SUGP1: variants seen among roughly 807,000 people sequenced by gnomAD.
The protein encoded by SUGP1 is SURP and G-patch domain-containing protein 1.
A neutral mutation model predicts 76.5 loss-of-function variants in SUGP1; 34 were observed. The ratio of observed to expected loss-of-function variants is 0.44; its 90% CI spans 0.34 to 0.59. SUGP1 has a LOEUF of 0.59. Among genes scored for constraint, SUGP1 ranks in the 20% least tolerant of loss-of-function variants. The pLI, the probability that SUGP1 is intolerant of heterozygous loss-of-function variation, is 0.01. For missense variants in SUGP1, 752 were observed against 851.7 expected (o/e 0.88, Z 1.46); for synonymous variants, 326 against 326.2 (o/e 1.00, Z 0.01).
intron 2 of SUGP1, among the ~76,000 whole-genome samples, chr19:19,311,876 A>T (rs2061355700): frequency 6.6e-6 from 1 of 151,962 alleles, no homozygotes; most frequent in Non-Finnish European, 1.5e-5. Flanking sequence ...TACTTGGGAG[A>T]CTGAGGTAGG....
At chr19:19,298,034 C>T (rs1335481582) in intron 7 of SUGP1, among the ~76,000 whole-genome samples, 3 of 152,194 alleles carry the variant, frequency 2.0e-5, no homozygotes, top group Admixed American at 6.5e-5. Context: ...TGGCCCAGCT[C>T]CACATGGCAG....
intron 4 of SUGP1, among the ~76,000 whole-genome samples, chr19:19,304,561 G>A (rs1451905542): frequency 6.6e-6 from 1 of 152,148 alleles, no homozygotes; most frequent in Non-Finnish European, 1.5e-5. Context: ...AGTGAACAGA[G>A]CTATAAAGAT....
chr19:19,310,101 G>A lies in SUGP1; in HGVS notation c.306C>T (p.Ser102=). The A allele has an allele frequency of 6.2e-7, 1 of 1,612,922 alleles. No homozygotes were observed. The highest frequency in any genetic ancestry group is 1.1e-5 in the South Asian group (1 of 91,048). Residue 102 remains serine (S), a synonymous_variant, in exon 3 of 14, where the codon AGC becomes AGT. Transcript: ENST00000247001. ...AAAGGGGAGGCCTACACTCACCTGT[G>A]CTGGTCTGTGCCTTCTGCAACTTCA... ...QFLKLQKAQT[S]TDAPTSAPSA... is the part of the protein sequence containing the mutation.
At chr19:19,276,791 C>T in intron 13 of SUGP1, 117 bp from the exon 14 acceptor site, 1 of 1,559,444 alleles carries the variant, frequency 6.4e-7, no homozygotes, top group African/African-American at 1.3e-5. Flanking sequence ...GCAGGGCAGG[C>T]TTGGGGGACG....
chr19:19,302,655 G>C (rs567304850), intron 6 of SUGP1, among the ~76,000 whole-genome samples: 1 of 151,932 alleles, frequency 6.6e-6, no homozygotes, highest in Non-Finnish European at 1.5e-5. Context: ...ATGTGACTGC[G>C]GGTCTGGGTA....
intron 2 of SUGP1, among the ~76,000 whole-genome samples, chr19:19,314,953 G>T (rs2061381893): frequency 6.6e-6 from 1 of 151,038 alleles, no homozygotes; most frequent in Non-Finnish European, 1.5e-5. Flanking sequence ...AGAATCGCTT[G>T]AAACTTGGAG....
chr19:19,289,044 A>G (rs1291890173), intron 8 of SUGP1, among the ~76,000 whole-genome samples: 1 of 151,812 alleles, frequency 6.6e-6, no homozygotes, highest in Non-Finnish European at 1.5e-5. Flanking sequence ...TCAGCCTTCC[A>G]AAGTGCTGGG....
At position 19,317,808 on chromosome 19, in the gene SUGP1, C is replaced by CTTTT. The variant is rs781257871; in HGVS notation, c.35-1219_35-1216dup. ...GGCATGAGGCACCGTGCCCCAGTGG[C>CTTTT]TTTTTTTTTTTTTTTTTTTTGAGGC... On this transcript the variant is annotated intron_variant, in intron 1 of 13. Coordinates refer to ENST00000247001, the MANE Select transcript of SUGP1 (RefSeq NM_172231.4). 2.4e-4 allele frequency among the ~76,000 whole-genome samples: 26 copies of CTTTT among 110,586 alleles called. 2 individuals carry two copies. The highest frequency in any genetic ancestry group is 7.0e-4 in the South Asian group (2 of 2,860). The allele number at this position is 110,586 out of a possible 152,430, so 72.5% of individuals were successfully genotyped here.
intron 3 of SUGP1, among the ~76,000 whole-genome samples, chr19:19,308,156 C>T (rs867269256): frequency 6.6e-6 from 1 of 152,104 alleles, no homozygotes; most frequent in Admixed American, 6.6e-5. Context: ...TCAGCCCCCC[C>T]ATTAGTTGGG....
At chr19:19,318,181 G>A (rs1340539965) in intron 1 of SUGP1, among the ~76,000 whole-genome samples, 2 of 124,680 alleles carry the variant, frequency 1.6e-5, no homozygotes, top group Non-Finnish European at 3.2e-5. Flanking sequence ...GCAATGGCGC[G>A]ATCTTGGCTC....
intron 8 of SUGP1, 27 bp downstream of exon 8, chr19:19,296,962 A>T: frequency 6.6e-7 from 1 of 1,522,496 alleles, no homozygotes. Context: ...CCCTTCCAAC[A>T]CAGGGAGGGG....
intron 8 of SUGP1, chr19:19,280,627 CAA>C (rs1480543624): frequency 1.0e-5 from 3 of 287,606 alleles, no homozygotes; most frequent in Non-Finnish European, 2.0e-5. Flanking sequence ...GAGCCAGAGA[CAA>C]GAGAGCTGAG....
chr19:19,317,799 C>T (rs1016040418), intron 1 of SUGP1, among the ~76,000 whole-genome samples: 1 of 149,064 alleles, frequency 6.7e-6, no homozygotes, highest in Admixed American at 6.8e-5. Context: ...AGGCACCGTG[C>T]CCCAGTGGCT....
intron 3 of SUGP1, among the ~76,000 whole-genome samples, chr19:19,309,110 G>A (rs2061336565): frequency 3.3e-5 from 5 of 151,942 alleles, no homozygotes; most frequent in African/African-American, 2.4e-5. Flanking sequence ...CAGGTGATCC[G>A]CCTGTCTCGG....
chr19:19,277,701 C>T (rs781644868), intron 12 of SUGP1, 33 bp downstream of exon 12: 1 of 1,609,218 alleles, frequency 6.2e-7, no homozygotes, highest in East Asian at 2.2e-5. Context: ...ACCCCAAGTT[C>T]ATGGCCATGC....
At chr19:19,311,755 G>A (rs1006447322) in intron 2 of SUGP1, among the ~76,000 whole-genome samples, 6 of 143,412 alleles carry the variant, frequency 4.2e-5, no homozygotes, top group African/African-American at 1.3e-4. Context: ...AAAAAGAAAT[G>A]TATGATGCCC....
intron 4 of SUGP1, among the ~76,000 whole-genome samples, chr19:19,305,104 C>G (rs1020927099): frequency 6.6e-6 from 1 of 152,160 alleles, no homozygotes; most frequent in Admixed American, 6.5e-5. Flanking sequence ...TCTAATGGCC[C>G]GGGGGCCAAG....
rs57753588 is a variant in SUGP1 at position 19,314,144 on chromosome 19, A to AAAAT, written c.206+2274_206+2277dup. Reference sequence around the variant, plus strand: ...TGAGTGAGACTCTGTCTCAAAAAATAAAATAAATAAATAAATAAATAAATA... The same window carrying AAAAT: ...TGAGTGAGACTCTGTCTCAAAAAATAAAATAAATAAATAAATAAATAAATAAATA... On this transcript the variant is annotated intron_variant, in intron 2 of 13. Coordinates refer to ENST00000247001, the MANE Select transcript of SUGP1 (RefSeq NM_172231.4). Among the ~76,000 whole-genome samples the AAAAT allele has an allele frequency of 2.4e-3, 349 of 147,178 alleles. 2 individuals carry two copies. Among genetic ancestry groups the AAAAT allele is most frequent in the African/African-American group, 4.7e-3 (186 of 39,330 alleles).
intron 8 of SUGP1, among the ~76,000 whole-genome samples, chr19:19,284,611 AC>A (rs2061124778): frequency 6.6e-6 from 1 of 152,252 alleles, no homozygotes; most frequent in African/African-American, 2.4e-5. Context: ...AGAATGACAC[AC>A]CTACAAGGTT....
Sources: gnomAD v4.1 joint callset for allele counts (sites outside exome capture counted in the v4.1 genomes callset) on GRCh38, gnomAD v4.1.1 for gene constraint, MANE v1.5 for transcripts, NCBI Gene and HGNC (gene_info 2026-07-23, HGNC 2026-07-21) for gene names.